Variants in MACROD2 observed in about 807,000 individuals in gnomAD.
MACROD2 encodes ADP-ribose glycohydrolase MACROD2.
In MACROD2, 36 loss-of-function variants were observed where a neutral mutation model predicts 70.4. That is an observed-to-expected ratio of 0.51 (90% confidence interval 0.39 to 0.68). The LOEUF is 0.68. Ranked by LOEUF, MACROD2 falls within the 30% of genes least tolerant of loss-of-function variation. The pLI, the probability that MACROD2 is intolerant of heterozygous loss-of-function variation, is 0.00. For missense variants in MACROD2, 496 were observed against 538.4 expected (o/e 0.92, Z 0.78); for synonymous variants, 172 against 178.8 (o/e 0.96, Z 0.30).
At chr20:14,615,391 A>C (rs1029034279) in intron 4 of MACROD2, among the ~76,000 whole-genome samples, 10 of 152,138 alleles carry the variant, frequency 6.6e-5, no homozygotes, top group African/African-American at 2.2e-4. Context: ...AAACGAACAA[A>C]AAAAATTATC....
chr20:14,629,408 T>C (rs2123470142), intron 4 of MACROD2, among the ~76,000 whole-genome samples: 1 of 152,362 alleles, frequency 6.6e-6, no homozygotes, highest in East Asian at 1.9e-4. Context: ...TTAGCTATTG[T>C]ACTTCTTCTT....
intron 4 of MACROD2, among the ~76,000 whole-genome samples, chr20:14,587,301 T>G (rs972912451): frequency 3.3e-5 from 5 of 151,782 alleles, no homozygotes; most frequent in Non-Finnish European, 5.9e-5. Flanking sequence ...GTTATACAAT[T>G]TTTTCAGTTA....
intron 4 of MACROD2, chr20:14,627,205 C>T (rs555613101): frequency 1.4e-4 from 21 of 152,322 alleles, no homozygotes; most frequent in African/African-American, 5.1e-4. Context: ...ATATCCCCTA[C>T]AGAAATGAGA....
chr20:15,814,235 C>T (rs548724639), intron 8 of MACROD2, among the ~76,000 whole-genome samples: 15 of 152,334 alleles, frequency 9.8e-5, no homozygotes, highest in African/African-American at 3.1e-4. Context: ...GTATCTGCAA[C>T]TCTGTTGCAG....
intron 6 of MACROD2, among the ~76,000 whole-genome samples, chr20:15,353,185 C>T (rs1052853802): frequency 2.0e-5 from 3 of 151,536 alleles, no homozygotes; most frequent in Admixed American, 6.6e-5. Flanking sequence ...ACAGAGCCCT[C>T]AGAAATAATG....
intron 5 of MACROD2, among the ~76,000 whole-genome samples, chr20:15,146,976 A>G (rs2076234727): frequency 6.6e-6 from 1 of 152,124 alleles, no homozygotes; most frequent in South Asian, 2.1e-4. Flanking sequence ...TGTGATTAAC[A>G]TTTTTGTTCC....
At chr20:14,312,102 C>T (rs920637371) in intron 3 of MACROD2, among the ~76,000 whole-genome samples, 3 of 152,068 alleles carry the variant, frequency 2.0e-5, no homozygotes, top group Non-Finnish European at 2.9e-5. Context: ...AGATATTCTT[C>T]TCCGGTTCTG....
intron 6 of MACROD2, among the ~76,000 whole-genome samples, chr20:15,234,287 C>A (rs2076993884): frequency 6.6e-6 from 1 of 150,868 alleles, no homozygotes; most frequent in East Asian, 2.0e-4. Flanking sequence ...CCGCCTCGGC[C>A]TCCCAAAGTG....
At chr20:14,252,462 T>A (rs2082021014) in intron 3 of MACROD2, among the ~76,000 whole-genome samples, 1 of 152,026 alleles carries the variant, frequency 6.6e-6, no homozygotes, top group Admixed American at 6.6e-5. Context: ...ATCTACTGAT[T>A]TTTTTCTATT....
At position 14,375,679 on chromosome 20, in the gene MACROD2, A is replaced by T. The variant is rs551096059; in HGVS notation, c.272-117800A>T. 2.0e-5 allele frequency among the ~76,000 whole-genome samples: 3 copies of T among 152,176 alleles called. No individual in the cohort carries two copies. In the South Asian group the frequency reaches 6.2e-4, roughly 32 times the overall value. On this transcript the variant is annotated intron_variant, in intron 3 of 17. Coordinates refer to ENST00000684519, the MANE Select transcript of MACROD2 (RefSeq NM_001351661.2). Reference sequence around the variant, plus strand: ...GTAGTTCAGTTGCCTGTGAGTTTCAAATGACAAGCTAGCTTTCATGTGAAT... The same window carrying T: ...GTAGTTCAGTTGCCTGTGAGTTTCATATGACAAGCTAGCTTTCATGTGAAT...
At chr20:15,280,925 T>C (rs6043167) in intron 6 of MACROD2, 7,079 of 152,236 alleles carry the variant, frequency 0.047, 170 homozygotes, top group South Asian at 0.084. Context: ...GGGTAATTGA[T>C]AAAGGAAAGA....
chr20:15,113,463 A>G (rs1385219772), intron 5 of MACROD2, among the ~76,000 whole-genome samples: 1 of 152,198 alleles, frequency 6.6e-6, no homozygotes, highest in Non-Finnish European at 1.5e-5. Flanking sequence ...AGAACACTTG[A>G]AATATGATGA....
intron 2 of MACROD2, among the ~76,000 whole-genome samples, chr20:14,046,496 TA>T: frequency 6.6e-6 from 1 of 152,326 alleles, no homozygotes; most frequent in African/African-American, 2.4e-5. Context: ...TAATGTCTAG[TA>T]AGTTTCAGTA....
chr20:14,138,714 T>C (rs891438233), intron 3 of MACROD2, among the ~76,000 whole-genome samples: 2 of 151,542 alleles, frequency 1.3e-5, no homozygotes, highest in African/African-American at 4.9e-5. Flanking sequence ...GTGACTGTAG[T>C]TAATAAGAAT....
intron 15 of MACROD2, among the ~76,000 whole-genome samples, chr20:15,991,090 C>T (rs2066551755): frequency 6.6e-6 from 1 of 152,080 alleles, no homozygotes; most frequent in African/African-American, 2.4e-5. Flanking sequence ...TAGGACTTAC[C>T]AATGATTGGA....
intron 6 of MACROD2, among the ~76,000 whole-genome samples, chr20:15,381,627 C>G (rs1461035271): frequency 6.6e-6 from 1 of 152,148 alleles, no homozygotes; most frequent in Non-Finnish European, 1.5e-5. Context: ...GATTGCGCCA[C>G]TGAACTCCAG....
At chr20:15,098,233 A>G (rs1370224000) in intron 5 of MACROD2, among the ~76,000 whole-genome samples, 1 of 152,146 alleles carries the variant, frequency 6.6e-6, no homozygotes, top group African/African-American at 2.4e-5. Flanking sequence ...TAATTTTTGA[A>G]CAAAGGGTCT....
At chr20:14,954,991 T>C (rs1469239773) in intron 5 of MACROD2, among the ~76,000 whole-genome samples, 1 of 116,210 alleles carries the variant, frequency 8.6e-6, no homozygotes, top group African/African-American at 3.5e-5. Context: ...ATATATTAAA[T>C]ATATTATATA....
intron 3 of MACROD2, among the ~76,000 whole-genome samples, chr20:14,273,745 T>C (rs1282030706): frequency 6.6e-6 from 1 of 152,124 alleles, no homozygotes; most frequent in Non-Finnish European, 1.5e-5. Flanking sequence ...GATAGACCGC[T>C]AGCAAGACTC....
Sources: gnomAD v4.1 joint callset for allele counts (sites outside exome capture counted in the v4.1 genomes callset) on GRCh38, gnomAD v4.1.1 for gene constraint, MANE v1.5 for transcripts, NCBI Gene and HGNC (gene_info 2026-07-23, HGNC 2026-07-21) for gene names.